Variants in ROR1 observed in about 807,000 individuals in gnomAD.
The protein encoded by ROR1 is ROR family WNT receptor 1, also known as inactive tyrosine-protein kinase transmembrane receptor ROR1.
Under a neutral mutation model 78.8 loss-of-function variants are expected in ROR1, and 19 were observed. That is an observed-to-expected ratio of 0.24 (90% CI 0.17 to 0.35). The LOEUF (loss-of-function observed/expected upper bound fraction) is 0.35. Ranked by LOEUF, ROR1 falls within the 10% of genes least tolerant of loss-of-function variation. The probability of loss-of-function intolerance (pLI) is 1.00; values close to 1 mark genes in which losing one functional copy is unlikely to be tolerated. For missense variants in ROR1, 917 were observed against 1,177.8 expected (o/e 0.78, Z 3.24); for synonymous variants, 386 against 433.6 (o/e 0.89, Z 1.36).
At chr1:63,890,480 C>A (rs575326333) in intron 1 of ROR1, among the ~76,000 whole-genome samples, 1 of 150,838 alleles carries the variant, frequency 6.6e-6, no homozygotes, top group African/African-American at 2.4e-5. Flanking sequence ...TTCCTGCCCT[C>A]AGGGAGCTCA....
chr1:63,802,509 A>G (rs1448775912), intron 1 of ROR1, among the ~76,000 whole-genome samples: 2 of 152,218 alleles, frequency 1.3e-5, no homozygotes, highest in Admixed American at 6.5e-5. Context: ...AGGTGGGAAA[A>G]TGGAGGTTCA....
At chr1:64,127,555 G>A (rs773837240) in intron 4 of ROR1, among the ~76,000 whole-genome samples, 7 of 145,688 alleles carry the variant, frequency 4.8e-5, no homozygotes, top group Admixed American at 1.4e-4. Context: ...TTGTCTTTCC[G>A]CTGTGTGTGT....
At chr1:63,854,402 A>AT (rs1352696111) in intron 1 of ROR1, among the ~76,000 whole-genome samples, 6 of 152,140 alleles carry the variant, frequency 3.9e-5, no homozygotes, top group Non-Finnish European at 7.3e-5. Flanking sequence ...GCTTCCTTCC[A>AT]TGGTAGGTAG....
At chr1:64,061,349 T>A (rs561342430) in intron 4 of ROR1, among the ~76,000 whole-genome samples, 1 of 152,314 alleles carries the variant, frequency 6.6e-6, no homozygotes, top group South Asian at 2.1e-4. Context: ...ACACTTTCCC[T>A]TCCTATATTT....
At chr1:64,012,885 G>A (rs562011904) in intron 2 of ROR1, among the ~76,000 whole-genome samples, 1 of 152,268 alleles carries the variant, frequency 6.6e-6, no homozygotes, top group South Asian at 2.1e-4. Flanking sequence ...TTTATCAAAT[G>A]GTCTTAAAGT....
intron 1 of ROR1, among the ~76,000 whole-genome samples, chr1:63,860,683 C>T (rs1645175485): frequency 6.7e-6 from 1 of 149,374 alleles, no homozygotes; most frequent in Non-Finnish European, 1.5e-5. Context: ...GTAGGAGAAT[C>T]GCTTGGACCT....
intron 1 of ROR1, among the ~76,000 whole-genome samples, chr1:63,918,676 C>G (rs1309013594): frequency 1.3e-5 from 2 of 152,158 alleles, no homozygotes; most frequent in African/African-American, 4.8e-5. Context: ...TTGTGAAACA[C>G]TCTATATACT....
At chr1:63,826,476 C>A (rs1315002545) in intron 1 of ROR1, among the ~76,000 whole-genome samples, 5 of 152,096 alleles carry the variant, frequency 3.3e-5, no homozygotes, top group African/African-American at 1.2e-4. Context: ...ACCACATTTT[C>A]TTTATCTAGT....
chr1:63,997,361 G>A (rs899167880), intron 1 of ROR1, among the ~76,000 whole-genome samples: 4 of 152,172 alleles, frequency 2.6e-5, no homozygotes, highest in Non-Finnish European at 5.9e-5. Context: ...TAATTCAGTG[G>A]TCAACCAATT....
chr1:63,892,968 G>A (rs537677202), intron 1 of ROR1, among the ~76,000 whole-genome samples: 18 of 152,270 alleles, frequency 1.2e-4, no homozygotes, highest in African/African-American at 4.1e-4. Flanking sequence ...GATTTATCAA[G>A]TAGCTTTGCC....
At chr1:63,859,110 G>A (rs1158022379) in intron 1 of ROR1, among the ~76,000 whole-genome samples, 3 of 152,038 alleles carry the variant, frequency 2.0e-5, no homozygotes, top group Admixed American at 1.3e-4. Flanking sequence ...GTCCTGGTGT[G>A]TTTCTGTCCT....
At chr1:63,939,550 C>T (rs528820191) in intron 1 of ROR1, among the ~76,000 whole-genome samples, 1 of 152,100 alleles carries the variant, frequency 6.6e-6, no homozygotes, top group South Asian at 2.1e-4. Flanking sequence ...TCACAAAAAA[C>T]AATGTAAGTT....
At position 64,177,638 on chromosome 1, in the gene ROR1, C is replaced by G. The variant is rs1650421535; in HGVS notation, c.1597C>G (p.Pro533Ala). ...CTCCCTAATGGCAGAACTGCACCAC[C>G]CCAATATTGTCTGCCTTCTAGGTGC... Reference protein sequence around the residue: ...EASLMAELHHPNIVCLLGAVT... With the variant: ...EASLMAELHHANIVCLLGAVT... The change falls in exon 9 of 9, where the codon CCC becomes GCC. Residue 533 changes from proline to alanine, a missense_variant. Pro to Ala is a conservative substitution (Grantham distance 27, BLOSUM62 -1). This residue lies in a region of ROR1 where 835 missense variants were observed against 1,069.8 expected (regional missense o/e 0.78). Transcript: ENST00000371079. The G allele has an allele frequency of 6.2e-7, 1 of 1,614,066 alleles. No individual in the cohort carries two copies. Among genetic ancestry groups the G allele is most frequent in the Non-Finnish European group, 8.5e-7 (1 of 1,180,030 alleles).
intron 4 of ROR1, among the ~76,000 whole-genome samples, chr1:64,093,619 C>T (rs1480848149): frequency 6.6e-6 from 1 of 151,982 alleles, no homozygotes; most frequent in African/African-American, 2.4e-5. Flanking sequence ...CTAAGCACTT[C>T]TAGGGAACCC....
intron 1 of ROR1, among the ~76,000 whole-genome samples, chr1:63,787,104 C>T (rs543184147): frequency 1.6e-4 from 25 of 152,238 alleles, no homozygotes; most frequent in African/African-American, 5.3e-4. Flanking sequence ...ACCCTCACAC[C>T]GGCCTACCTC....
At chr1:63,937,698 G>A (rs1645804655) in intron 1 of ROR1, among the ~76,000 whole-genome samples, 1 of 152,154 alleles carries the variant, frequency 6.6e-6, no homozygotes, top group African/African-American at 2.4e-5. Context: ...GGTGCAGGTG[G>A]TTTTGGGAAA....
chr1:64,017,801 G>A (rs573087340), intron 2 of ROR1, among the ~76,000 whole-genome samples: 5 of 152,296 alleles, frequency 3.3e-5, no homozygotes, highest in South Asian at 2.1e-4. Flanking sequence ...GTGAGCAACC[G>A]AGCAAGCTTG....
At chr1:64,048,692 G>T (rs1646804797) in intron 2 of ROR1, among the ~76,000 whole-genome samples, 1 of 152,158 alleles carries the variant, frequency 6.6e-6, no homozygotes, top group Non-Finnish European at 1.5e-5. Flanking sequence ...TTAAATACTT[G>T]ATTGAAGAAT....
intron 1 of ROR1, among the ~76,000 whole-genome samples, chr1:63,993,952 G>T (rs192256805): frequency 1.3e-5 from 2 of 152,252 alleles, no homozygotes; most frequent in South Asian, 2.1e-4. Flanking sequence ...TTGTCAAGTT[G>T]TACCAATTTA....
Sources: allele counts gnomAD v4.1 joint callset (sites outside exome capture counted in the v4.1 genomes callset), GRCh38; gene constraint gnomAD v4.1.1; regional missense constraint gnomAD v4.1.1; transcripts MANE v1.5; gene names NCBI Gene and HGNC (gene_info 2026-07-23, HGNC 2026-07-21).